Variants in EMSY observed in about 807,000 individuals in gnomAD.
EMSY encodes the protein BRCA2-interacting transcriptional repressor EMSY.
In EMSY, 26 loss-of-function variants were observed where a neutral mutation model predicts 134.6. That is an observed-to-expected ratio of 0.19 (90% CI 0.14 to 0.27). The LOEUF (loss-of-function observed/expected upper bound fraction) is 0.27. EMSY is among the 10% of genes least tolerant of loss of function. EMSY has a pLI of 1.00. For missense variants in EMSY, 1,305 were observed against 1,611.4 expected, an observed-to-expected ratio of 0.81 and a Z score of 3.26; for synonymous variants, 579 against 577.8, an observed-to-expected ratio of 1.00 and a Z score of -0.03.
At chr11:76,551,749 A>C (rs367767081), downstream of EMSY, 8 of 152,308 alleles carry the variant, frequency 5.3e-5, no homozygotes, top group East Asian at 1.5e-3. Flanking sequence ...TTGGTAAACT[A>C]TGAACTCTCA....
intron 9 of EMSY, among the ~76,000 whole-genome samples, chr11:76,510,561 C>T (rs1369283623): frequency 2.0e-5 from 3 of 152,236 alleles, no homozygotes; most frequent in South Asian, 4.1e-4. Flanking sequence ...CAGTTTGCCT[C>T]GCTTGGTGGT....
intron 2 of EMSY, among the ~76,000 whole-genome samples, chr11:76,449,345 G>C (rs1298306663): frequency 1.3e-5 from 2 of 152,196 alleles, no homozygotes; most frequent in Non-Finnish European, 2.9e-5. Flanking sequence ...TTCTATAGCT[G>C]TGGTAACTGT....
chr11:76,494,795 A>T (rs1208901977), intron 8 of EMSY, among the ~76,000 whole-genome samples: 1 of 149,392 alleles, frequency 6.7e-6, no homozygotes, highest in African/African-American at 2.5e-5. Context: ...GAGTGCAGTA[A>T]TGCCATCTCG....
intron 4 of EMSY, 139 bp from the exon 5 acceptor site, chr11:76,454,610 A>G (rs1304018785): frequency 5.8e-6 from 3 of 519,416 alleles, no homozygotes; most frequent in Non-Finnish European, 1.0e-5. Flanking sequence ...GCTTGCATTC[A>G]GAGGCACTTA....
chr11:76,464,875 G>T (rs1948286998), intron 7 of EMSY, among the ~76,000 whole-genome samples: 1 of 152,074 alleles, frequency 6.6e-6, no homozygotes, highest in African/African-American at 2.4e-5. Flanking sequence ...AGTATTCTAG[G>T]TTGGAAGTGA....
intron 18 of EMSY, among the ~76,000 whole-genome samples, chr11:76,543,105 G>A (rs1004652859): frequency 2.0e-5 from 3 of 152,158 alleles, no homozygotes; most frequent in Non-Finnish European, 4.4e-5. Context: ...GCTCCAGGTG[G>A]CAGAGCCAGG....
At chr11:76,516,296 C>T (rs2136167147) in exon 11 of EMSY, 1 of 1,609,370 alleles carries the variant, frequency 6.2e-7, no homozygotes, top group Non-Finnish European at 8.5e-7. Flanking sequence ...AGATAATTAG[C>T]AGTAATATAG....
At chr11:76,527,455 G>A (rs1469604230) in intron 13 of EMSY, among the ~76,000 whole-genome samples, 1 of 152,086 alleles carries the variant, frequency 6.6e-6, no homozygotes, top group African/African-American at 2.4e-5. Context: ...TAACTTAACA[G>A]AGTCTGAGAA....
intron 2 of EMSY, among the ~76,000 whole-genome samples, chr11:76,450,126 G>A (rs993590790): frequency 1.4e-5 from 2 of 146,882 alleles, no homozygotes; most frequent in African/African-American, 2.5e-5. Flanking sequence ...CTGCTTCTAC[G>A]CTAGATGATG....
chr11:76,465,473 A>G (rs954987790), intron 7 of EMSY, among the ~76,000 whole-genome samples: 1 of 151,998 alleles, frequency 6.6e-6, no homozygotes, highest in Non-Finnish European at 1.5e-5. Context: ...ACAGCCTTGC[A>G]CGTAGTAAAT....
At chr11:76,473,955 A>C (rs1047966259) in intron 8 of EMSY, among the ~76,000 whole-genome samples, 1 of 150,058 alleles carries the variant, frequency 6.7e-6, no homozygotes, top group Non-Finnish European at 1.5e-5. Flanking sequence ...CCTGGTGAAC[A>C]TGGCTGTACT....
intron 14 of EMSY, among the ~76,000 whole-genome samples, chr11:76,528,721 G>A (rs1950933175): frequency 6.6e-6 from 1 of 151,784 alleles, no homozygotes. Context: ...TGTCAGGTAG[G>A]TAATATTAAA....
At chr11:76,461,669 C>T (rs529474527) in intron 6 of EMSY, among the ~76,000 whole-genome samples, 47 of 152,284 alleles carry the variant, frequency 3.1e-4, no homozygotes, top group African/African-American at 9.4e-4. Flanking sequence ...CAGTGGCTCA[C>T]GCCTGTAATC....
intron 9 of EMSY, among the ~76,000 whole-genome samples, chr11:76,513,093 T>G (rs1224614337): frequency 6.6e-6 from 1 of 152,200 alleles, no homozygotes; most frequent in Non-Finnish European, 1.5e-5. Flanking sequence ...TAAAGTCAAG[T>G]CCAGTGGATA....
chr11:76,523,700 C>CTTTTTTTTT (rs1491439676), intron 12 of EMSY, among the ~76,000 whole-genome samples: 1 of 63,746 alleles, frequency 1.6e-5, no homozygotes, highest in African/African-American at 7.2e-5. Context: ...GGATTTGTTA[C>CTTTTTTTTT]TTTCTTTTTT....
intron 15 of EMSY, among the ~76,000 whole-genome samples, chr11:76,536,874 T>C (rs1951241964): frequency 6.6e-6 from 1 of 152,136 alleles, no homozygotes; most frequent in Non-Finnish European, 1.5e-5. Context: ...GTGACTTTTG[T>C]ATTTTTGTTG....
chr11:76,453,216 C>T (rs1281302026), intron 3 of EMSY, 98 bp from the exon 4 acceptor site: 14 of 1,030,222 alleles, frequency 1.4e-5, no homozygotes, highest in Non-Finnish European at 2.0e-5. Context: ...CAATCTTGTC[C>T]CCCTTCTCCC....
intron 12 of EMSY, among the ~76,000 whole-genome samples, chr11:76,524,377 T>A (rs1254046857): frequency 6.6e-6 from 1 of 152,222 alleles, no homozygotes; most frequent in African/African-American, 2.4e-5. Context: ...CTACCTTGCC[T>A]AACTTCACTA....
chr11:76,458,307 A>G, exon 5 of EMSY: 2 of 1,613,968 alleles, frequency 1.2e-6, no homozygotes, highest in South Asian at 2.2e-5. Context: ...TAATGCAGCT[A>G]TCCAGCATAA....
Sources: gnomAD v4.1 joint callset for allele counts (sites outside exome capture counted in the v4.1 genomes callset) on GRCh38, gnomAD v4.1.1 for gene constraint, MANE v1.5 for transcripts, NCBI Gene and HGNC (gene_info 2026-07-23, HGNC 2026-07-21) for gene names.